Variants in DOCK10 observed in about 807,000 individuals in gnomAD.
DOCK10 encodes dedicator of cytokinesis 10.
In DOCK10, 145 loss-of-function variants were observed where a neutral mutation model predicts 280.1. The ratio of observed to expected loss-of-function variants is 0.52; its 90% CI spans 0.45 to 0.59. The LOEUF is 0.59. Among genes scored for constraint, DOCK10 ranks in the 20% least tolerant of loss-of-function variants. DOCK10 has a pLI of 0.00. For missense variants in DOCK10, 2,368 were observed against 2,651.7 expected (o/e 0.89, Z 2.35); for synonymous variants, 915 against 942.2 (o/e 0.97, Z 0.53).
intron 40 of DOCK10, among the ~76,000 whole-genome samples, chr2:224,801,297 A>C (rs959459003): frequency 8.6e-5 from 13 of 151,772 alleles, no homozygotes; most frequent in East Asian, 1.9e-4. Context: ...AAAAAAAAAA[A>C]AAAAAACATA....
intron 1 of DOCK10, among the ~76,000 whole-genome samples, chr2:224,990,155 G>A (rs583608): frequency 0.52 from 78,350 of 152,058 alleles, 22,721 homozygotes; most frequent in Non-Finnish European, 0.62. Flanking sequence ...TGGATGCATC[G>A]GAAAATTATC....
rs1690048293 is a variant in DOCK10 at position 224,765,803 on chromosome 2, A to G, written c.6479T>C (p.Val2160Ala). ...TGRDDLSKRG[V>A]DQTCTRVISK... ...AATTACTCGAGTGCAGGTTTGGTCC[A>G]CTCCGCGCTTTGACAGGTCGTCCCT... The change falls in exon 56 of 56, where the codon GTG becomes GCG. Residue 2160 changes from valine (V) to alanine (A), a missense_variant. Around this residue, in one of 2 missense-constraint regions of DOCK10, gnomAD observed 1,159 missense variants for 1,400.8 expected, o/e 0.83. Transcript: ENST00000258390. 6.2e-7 allele frequency: 1 copy of G among 1,613,594 alleles called. No individual in the cohort carries two copies. The highest frequency in any genetic ancestry group is 8.5e-7 in the Non-Finnish European group (1 of 1,179,838).
chr2:225,021,669 C>T (rs1250448264), intron 1 of DOCK10, among the ~76,000 whole-genome samples: 2 of 152,072 alleles, frequency 1.3e-5, no homozygotes, highest in Non-Finnish European at 2.9e-5. Context: ...ACTTTGATAT[C>T]CTAATGCAGT....
At chr2:224,953,473 A>C (rs189212948) in intron 1 of DOCK10, among the ~76,000 whole-genome samples, 14 of 152,170 alleles carry the variant, frequency 9.2e-5, no homozygotes, top group Non-Finnish European at 1.3e-4. Flanking sequence ...TTCCTCCTTC[A>C]CTGTGGTCTC....
At chr2:224,785,081 C>T (rs1468517389) in intron 50 of DOCK10, among the ~76,000 whole-genome samples, 1 of 133,696 alleles carries the variant, frequency 7.5e-6, no homozygotes, top group African/African-American at 2.6e-5. Flanking sequence ...CCCTTCCCGA[C>T]TCATAGCATT....
chr2:224,886,307 T>C, intron 5 of DOCK10, 122 bp from the exon 6 acceptor site: 3 of 1,511,346 alleles, frequency 2.0e-6, no homozygotes. Context: ...ATGTTCAATT[T>C]CAAAACAAAC....
At chr2:225,035,540 T>TA (rs1690201051) in intron 1 of DOCK10, among the ~76,000 whole-genome samples, 1 of 70,114 alleles carries the variant, frequency 1.4e-5, no homozygotes, top group Non-Finnish European at 2.7e-5. Flanking sequence ...ATATGATATA[T>TA]ATTATATATA....
At chr2:225,029,317 G>T (rs750843020) in intron 1 of DOCK10, among the ~76,000 whole-genome samples, 9 of 152,166 alleles carry the variant, frequency 5.9e-5, no homozygotes, top group Non-Finnish European at 1.0e-4. Flanking sequence ...AGTTTCAGGT[G>T]TGTACCACCA....
rs1302811389 is a variant in DOCK10 at position 224,794,863 on chromosome 2, A to G, written c.5154+16T>C. The G allele has an allele frequency of 2.5e-6, 4 of 1,612,278 alleles. No individual in the cohort carries two copies. Among genetic ancestry groups the G allele is most frequent in the East Asian group, 2.2e-5 (1 of 44,894 alleles). ...GGACAATACTGATGGTAAATGACCA[A>G]GCCTTGGCTAATCACCTCAGATAAA... On this transcript the variant is annotated intron_variant, in intron 45 of 55. Transcript: ENST00000258390.
At chr2:225,027,234 C>A (rs972849446) in intron 1 of DOCK10, among the ~76,000 whole-genome samples, 1 of 152,212 alleles carries the variant, frequency 6.6e-6, no homozygotes, top group Non-Finnish European at 1.5e-5. Flanking sequence ...CCAGGCCCCA[C>A]TAGTCACCTT....
intron 1 of DOCK10, among the ~76,000 whole-genome samples, chr2:225,030,603 T>G (rs564782492): frequency 1.3e-5 from 2 of 152,328 alleles, no homozygotes; most frequent in Non-Finnish European, 2.9e-5. Flanking sequence ...GGACAGGGGC[T>G]GGTGTTGGAT....
At chr2:224,887,312 C>A (rs1699365245) in intron 4 of DOCK10, among the ~76,000 whole-genome samples, 1 of 152,134 alleles carries the variant, frequency 6.6e-6, no homozygotes, top group Admixed American at 6.5e-5. Context: ...TGTACTGTGG[C>A]CACTAGGCTG....
rs767822861 is a variant in DOCK10, at chr2:224,805,080, A to G, written c.4096T>C (p.Ser1366Pro). 5.7e-5 allele frequency: 91 copies of G among 1,610,606 alleles called. No individual in the cohort carries two copies. Among genetic ancestry groups the G allele is most frequent in the Non-Finnish European group, 7.4e-5 (87 of 1,178,548 alleles). Residue 1366 changes from serine (S) to proline (P), a missense_variant, in exon 37 of 56, where the codon TCC becomes CCC. Transcript: ENST00000258390. The surrounding 1 kb of genome is among the most constrained non-coding windows in gnomAD (Gnocchi z 4.3). ...TACTCCAAGATGCTGAAGAAGTCGG[A>G]CACCTCTGGGCTGGGAGCTCTCTGC... Reference protein sequence around the residue: ...YWQRAPSPEVSDFFSILDVCL... With the variant: ...YWQRAPSPEVPDFFSILDVCL...
chr2:224,878,290 G>A (rs899686132), intron 7 of DOCK10, among the ~76,000 whole-genome samples: 1 of 152,190 alleles, frequency 6.6e-6, no homozygotes, highest in African/African-American at 2.4e-5. Flanking sequence ...TAATTTAAAT[G>A]TCATAACAAC....
chr2:224,906,976 A>ACTTTAGC (rs66486927), intron 3 of DOCK10, among the ~76,000 whole-genome samples: 89,501 of 151,664 alleles, frequency 0.59, 26,865 homozygotes, highest in Admixed American at 0.65. Flanking sequence ...TTATCACATA[A>ACTTTAGC]TTTCAACACA....
At chr2:224,788,496 C>A (rs1380919459) in intron 48 of DOCK10, among the ~76,000 whole-genome samples, 1 of 152,104 alleles carries the variant, frequency 6.6e-6, no homozygotes, top group Admixed American at 6.5e-5. Flanking sequence ...TAAAATTCAT[C>A]TGAAAATTTA....
At chr2:224,959,519 A>G (rs1298873308) in intron 1 of DOCK10, among the ~76,000 whole-genome samples, 1 of 149,980 alleles carries the variant, frequency 6.7e-6, no homozygotes, top group East Asian at 2.0e-4. Flanking sequence ...CTCCACATTT[A>G]GTCCAGATGA....
chr2:224,821,027 G>A (rs958898384), intron 28 of DOCK10, among the ~76,000 whole-genome samples: 2 of 152,132 alleles, frequency 1.3e-5, no homozygotes, highest in Non-Finnish European at 2.9e-5. Context: ...GACCCAGGTG[G>A]GTGGCAAAAA....
At chr2:224,860,216 A>G (rs1225484057) in intron 14 of DOCK10, among the ~76,000 whole-genome samples, 1 of 152,148 alleles carries the variant, frequency 6.6e-6, no homozygotes, top group Non-Finnish European at 1.5e-5. Flanking sequence ...TAACTAGACA[A>G]CTTCAAAGCA....
Sources: gnomAD v4.1 joint callset for allele counts (sites outside exome capture counted in the v4.1 genomes callset) on GRCh38, gnomAD v4.1.1 for gene constraint, gnomAD v4.1.1 regional missense constraint, Gnocchi (gnomAD v3.1) non-coding constraint, MANE v1.5 for transcripts, NCBI Gene and HGNC (gene_info 2026-07-23, HGNC 2026-07-21) for gene names.